Variants in SLC38A10 observed in about 807,000 individuals in gnomAD.
SLC38A10 encodes the protein Sodium-coupled neutral amino acid transporter 10.
In SLC38A10, 53 loss-of-function variants were observed where a neutral mutation model predicts 81.0. The observed-to-expected ratio is 0.65, with a 90% CI of 0.53 to 0.82. The LOEUF (loss-of-function observed/expected upper bound fraction) is 0.82. Ranked by LOEUF, SLC38A10 falls within the 40% of genes least tolerant of loss-of-function variation. The probability of loss-of-function intolerance (pLI) is 0.00; values close to 1 mark genes in which losing one functional copy is unlikely to be tolerated. For missense variants in SLC38A10, 1,471 were observed against 1,545.0 expected, an observed-to-expected ratio of 0.95 and a Z score of 0.80; for synonymous variants, 665 against 655.3, an observed-to-expected ratio of 1.01 and a Z score of -0.23.
chr17:81,282,204 G>A lies in SLC38A10; in HGVS notation c.486C>T (p.Thr162=), dbSNP rs150309813. Reference sequence around the variant, plus strand: ...GCCGACTCACCACGAACATGAACACGGTGTAGAAGAGGAGGGCCATGGCGC... The same window carrying A: ...GCCGACTCACCACGAACATGAACACAGTGTAGAAGAGGAGGGCCATGGCGC... ...SFSAMALLFY[T]VFMFVIVLSS... The change falls in exon 5 of 16, where the codon ACC becomes ACT. Residue 162 remains threonine, a synonymous_variant. Transcript: ENST00000374759. 28 of 1,613,512 alleles carry A rather than the reference G, an allele frequency of 1.7e-5. No homozygotes were observed. Among genetic ancestry groups the A allele is most frequent in the Middle Eastern group, 1.6e-4 (1 of 6,062 alleles).
At position 81,245,401 on chromosome 17, in the gene SLC38A10, T is replaced by C; in HGVS notation, c.*155A>G. On this transcript the variant is annotated 3_prime_UTR_variant, in exon 16 of 16. Transcript: ENST00000374759. ...CTGGAAACGATGCCACAGTGAATCT[T>C]TTATACTGTCACTCACACTTGGTGA... is the stretch of plus-strand genomic sequence containing the variant. The C allele has an allele frequency of 1.1e-6, 1 of 935,390 alleles. No individual in the cohort carries two copies. Among genetic ancestry groups the C allele is most frequent in the South Asian group, 1.7e-5 (1 of 58,802 alleles). 57.9% of individuals were successfully genotyped at this position (935,390 alleles called of 1,614,324 possible). A position where few individuals can be genotyped will look rare whatever the true frequency, so the allele number is the denominator to read the frequency against.
intron 9 of SLC38A10, 42 bp from the exon 10 acceptor site, chr17:81,271,066 C>A (rs762004486): frequency 2.5e-5 from 39 of 1,546,304 alleles, no homozygotes; most frequent in Non-Finnish European, 3.2e-5. Flanking sequence ...TGGGGAAGGG[C>A]TCTGGGAAGG....
chr17:81,295,039 G>T lies in SLC38A10; in HGVS notation c.-118C>A. On this transcript the variant is annotated 5_prime_UTR_variant, in exon 1 of 16. Coordinates refer to ENST00000374759, the MANE Select transcript of SLC38A10 (RefSeq NM_001037984.3). ...TCCCAACGTCCGGGACGCCGGTGGG[G>T]AGGGGATGGGCAGCCTGAACACGGG... 1 of 1,363,848 alleles carries T rather than the reference G, an allele frequency of 7.3e-7. No homozygotes were observed. Among genetic ancestry groups the T allele is most frequent in the Non-Finnish European group, 9.5e-7 (1 of 1,054,916 alleles). 84.5% of individuals were successfully genotyped at this position (1,363,848 alleles called of 1,614,324 possible). A position where few individuals can be genotyped will look rare whatever the true frequency, so the allele number is the denominator to read the frequency against.
At chr17:81,261,492 G>A (rs528218080) in intron 10 of SLC38A10, among the ~76,000 whole-genome samples, 47 of 152,366 alleles carry the variant, frequency 3.1e-4, no homozygotes, top group Admixed American at 8.5e-4. Context: ...TTTCTGAAAG[G>A]TATGTCGATT....
At position 81,246,922 on chromosome 17, in the gene SLC38A10, C is replaced by T. The variant is rs1018860416; in HGVS notation, c.2205G>A (p.Gln735=). The change falls in exon 15 of 16, where the codon CAG becomes CAA. Residue 735 remains glutamine (Q), a synonymous_variant. Transcript: ENST00000374759. ...VIEEQHKEIH[Q]QRQEDEEDKP... ...TATCCTCCTCGTCCTCCTGCCTCTG[C>T]TGGTGGATCTCCTTGTGCTGCTCCT... 15 of 1,605,238 alleles carry T rather than the reference C, an allele frequency of 9.3e-6. No individual in the cohort carries two copies. In the Admixed American group the frequency reaches 2.2e-4, roughly 23 times the overall value.
At chr17:81,282,112 C>T (rs7213540) in intron 5 of SLC38A10, 77 bp downstream of exon 5, 840,665 of 1,591,346 alleles carry the variant, frequency 0.53, 227,686 homozygotes, top group African/African-American at 0.79. Flanking sequence ...GACCTGGGCA[C>T]GAGCCTGCTG....
At chr17:81,271,164 C>T in intron 9 of SLC38A10, 140 bp from the exon 10 acceptor site, 2 of 676,116 alleles carry the variant, frequency 3.0e-6, no homozygotes, top group East Asian at 2.7e-5. Context: ...AGCAGAGACG[C>T]CCTCTGTGCC....
chr17:81,249,194 G>T (rs1397114177), intron 14 of SLC38A10, among the ~76,000 whole-genome samples: 1 of 145,426 alleles, frequency 6.9e-6, no homozygotes, highest in African/African-American at 2.6e-5. Context: ...GAGACAGAAG[G>T]GAGGAGGGGG....
At position 81,291,933 on chromosome 17, in the gene SLC38A10, G is replaced by A. The variant is rs565353410; in HGVS notation, c.100-2125C>T. Among the ~76,000 whole-genome samples, 79 of 152,262 alleles carry A rather than the reference G, an allele frequency of 5.2e-4. 1 individual carries two copies. Among genetic ancestry groups the A allele is most frequent in the Non-Finnish European group, 3.2e-4 (22 of 68,020 alleles). On this transcript the variant is annotated intron_variant, in intron 1 of 15. Coordinates refer to ENST00000374759, the MANE Select transcript of SLC38A10 (RefSeq NM_001037984.3). ...ACACTAGGGGTCAGCAGTGTGCCCC[G>A]GGTAGGCCGCCACGGCCACAGAGTA...
At chr17:81,278,742 TG>T (rs1326019531) in intron 6 of SLC38A10, among the ~76,000 whole-genome samples, 2 of 152,248 alleles carry the variant, frequency 1.3e-5, no homozygotes, top group East Asian at 3.9e-4. Context: ...CAGGGAGTCT[TG>T]GCTTGAGGGG....
chr17:81,251,978 C>G, intron 13 of SLC38A10: 1 of 714,272 alleles, frequency 1.4e-6, no homozygotes, highest in Non-Finnish European at 2.2e-6. Flanking sequence ...ATTTAGTGGT[C>G]TGGCAAACAA....
chr17:81,247,084 CAG>C (rs1567920949), intron 14 of SLC38A10, 23 bp from the exon 15 acceptor site: 2 of 1,563,316 alleles, frequency 1.3e-6, no homozygotes, highest in Non-Finnish European at 1.7e-6. Flanking sequence ...AGCACACAGT[CAG>C]AGTGCCCGGG....
intron 10 of SLC38A10, 47 bp from the exon 11 acceptor site, chr17:81,260,441 C>G (rs73358122): frequency 0.031 from 48,138 of 1,569,802 alleles, 1,731 homozygotes; most frequent in African/African-American, 0.18. Flanking sequence ...CTGGCCCCCG[C>G]CCCTGCCCAG....
At position 81,260,268 on chromosome 17, in the gene SLC38A10, A is replaced by G; in HGVS notation, c.1258T>C (p.Leu420=). The change falls in exon 11 of 16, where the codon TTG becomes CTG. Residue 420 remains leucine (L), a synonymous_variant. Transcript: ENST00000374759. ...AGCCGCGCTGCCTCCACCTTCATCA[A>G]ACCCTCGGCCTCTCCAAGCCGGCCG... ...PGGRLGEAEG[L]MKVEAARLSA... is the part of the protein sequence containing the mutation. 6.2e-7 allele frequency: 1 copy of G among 1,605,636 alleles called. No individual in the cohort carries two copies. Among genetic ancestry groups the G allele is most frequent in the Non-Finnish European group, 8.5e-7 (1 of 1,177,184 alleles).
rs535424202 is a variant in SLC38A10, at chr17:81,269,350, T to C, written c.1131+1568A>G. Among the ~76,000 whole-genome samples, 10 of 152,126 alleles carry C rather than the reference T, an allele frequency of 6.6e-5. No individual in the cohort carries two copies. The South Asian group carries it at 2.1e-3, about 32-fold the overall frequency. On this transcript the variant is annotated intron_variant, in intron 10 of 15. Coordinates refer to ENST00000374759, the MANE Select transcript of SLC38A10 (RefSeq NM_001037984.3). ...CAACATGGTAAAACCCTGTCTCTAC[T>C]AAAAGTACAAAAATTAGCTGGGTGT...
intron 1 of SLC38A10, among the ~76,000 whole-genome samples, chr17:81,291,073 C>A (rs559698260): frequency 3.3e-4 from 50 of 152,276 alleles, no homozygotes; most frequent in African/African-American, 1.2e-3. Flanking sequence ...ACTTAAAACA[C>A]AAGGACCGCC....
At chr17:81,290,601 G>A (rs943751884) in intron 1 of SLC38A10, among the ~76,000 whole-genome samples, 2 of 152,210 alleles carry the variant, frequency 1.3e-5, no homozygotes, top group African/African-American at 2.4e-5. Flanking sequence ...GGGGCTGGGG[G>A]TGTGGAGATT....
intron 6 of SLC38A10, among the ~76,000 whole-genome samples, chr17:81,279,477 C>T (rs73358143): frequency 0.018 from 2,687 of 152,130 alleles, 101 homozygotes; most frequent in African/African-American, 0.061. Context: ...GCACGGCGGC[C>T]GGCACAGGGG....
rs774603694 is a variant in SLC38A10 at position 81,294,813 on chromosome 17, C to G, written c.99+10G>C. 6.3e-7 allele frequency: 1 copy of G among 1,575,556 alleles called. No individual in the cohort carries two copies. Among genetic ancestry groups the G allele is most frequent in the Non-Finnish European group, 8.6e-7 (1 of 1,162,022 alleles). On this transcript the variant is annotated intron_variant, in intron 1 of 15. Coordinates refer to ENST00000374759, the MANE Select transcript of SLC38A10 (RefSeq NM_001037984.3). ...GCGAGGGCGGTGATCTCCGGGCCCACCGGACTCACCTGTTTGAAGCAGAAG... is the reference window on the plus strand; with the variant it reads ...GCGAGGGCGGTGATCTCCGGGCCCAGCGGACTCACCTGTTTGAAGCAGAAG...
Sources: gnomAD v4.1 joint callset for allele counts (sites outside exome capture counted in the v4.1 genomes callset) on GRCh38, gnomAD v4.1.1 for gene constraint, MANE v1.5 for transcripts, NCBI Gene and HGNC (gene_info 2026-07-23, HGNC 2026-07-21) for gene names.